Variants in VEZT observed in about 807,000 individuals in gnomAD.
VEZT encodes the protein vezatin, adherens junctions transmembrane protein.
Under a neutral mutation model 79.9 loss-of-function variants are expected in VEZT, and 39 were observed. The observed-to-expected ratio is 0.49, with a 90% CI of 0.38 to 0.64. VEZT has a LOEUF of 0.64. Ranked by LOEUF, VEZT falls within the 30% of genes least tolerant of loss-of-function variation. The probability of loss-of-function intolerance (pLI) is 0.00; values close to 1 mark genes in which losing one functional copy is unlikely to be tolerated. For synonymous variants in VEZT, 325 were observed against 327.6 expected (o/e 0.99, Z 0.09); for missense variants, 837 against 893.1 (o/e 0.94, Z 0.80).
chr12:95,289,489 T>G (rs2072120334), intron 9 of VEZT, among the ~76,000 whole-genome samples: 1 of 151,668 alleles, frequency 6.6e-6, no homozygotes, highest in Non-Finnish European at 1.5e-5. Flanking sequence ...TATGAGATGT[T>G]GAATCTTAGT....
intron 3 of VEZT, among the ~76,000 whole-genome samples, chr12:95,260,098 CTTTT>C (rs56756447): frequency 0.01 from 708 of 68,512 alleles, 5 homozygotes; most frequent in African/African-American, 0.043. Context: ...TGGTTGATCA[CTTTT>C]TTTTTTTTTT....
intron 5 of VEZT, among the ~76,000 whole-genome samples, chr12:95,268,300 C>A (rs2065917036): frequency 6.6e-6 from 1 of 151,972 alleles, no homozygotes; most frequent in African/African-American, 2.4e-5. Context: ...TCGTAGCTAT[C>A]CTGGCTAACA....
At chr12:95,257,367 T>C (rs2063633260) in intron 3 of VEZT, 128 bp downstream of exon 3, 1 of 710,976 alleles carries the variant, frequency 1.4e-6, no homozygotes, top group Non-Finnish European at 2.3e-6. Context: ...CTGCAGTAAC[T>C]CAGGATCTTT....
At position 95,258,549 on chromosome 12, in the gene VEZT, T is replaced by C. The variant is rs1745064053; in HGVS notation, c.258+1310T>C. ...GATTGCTTGACTTTTTCCCCTTGAT[T>C]GTGACGTATTTAAAATGTTGTTAGC... On this transcript the variant is annotated intron_variant, in intron 3 of 11. Transcript: ENST00000436874. Among the ~76,000 whole-genome samples the C allele has an allele frequency of 3.3e-5, 5 of 152,266 alleles. No individual in the cohort carries two copies. The South Asian group carries it at 1.0e-3, about 32-fold the overall frequency.
chr12:95,222,147 C>T (rs908096360), intron 1 of VEZT, among the ~76,000 whole-genome samples: 4 of 152,274 alleles, frequency 2.6e-5, no homozygotes, highest in African/African-American at 4.8e-5. Flanking sequence ...CTCTTTTAAT[C>T]GTGTCTTTCA....
intron 1 of VEZT, among the ~76,000 whole-genome samples, chr12:95,223,293 C>T (rs952919730): frequency 6.6e-6 from 1 of 152,008 alleles, no homozygotes; most frequent in Non-Finnish European, 1.5e-5. Context: ...TAAATTTTTC[C>T]AACAAATTGC....
intron 1 of VEZT, among the ~76,000 whole-genome samples, chr12:95,222,910 A>G (rs527586605): frequency 1.6e-4 from 24 of 152,298 alleles, no homozygotes; most frequent in Non-Finnish European, 3.1e-4. Context: ...GAGTATAGCT[A>G]AATTGGCCTT....
chr12:95,221,699 A>T (rs942160291), intron 1 of VEZT, among the ~76,000 whole-genome samples: 1 of 152,030 alleles, frequency 6.6e-6, no homozygotes, highest in Non-Finnish European at 1.5e-5. Flanking sequence ...AAAGAAAAAA[A>T]TTAACCAGGT....
At position 95,235,859 on chromosome 12, in the gene VEZT, C is replaced by CG. The variant is rs1475066760; in HGVS notation, c.37-16077dup. Among the ~76,000 whole-genome samples the CG allele has an allele frequency of 4.7e-5, 7 of 150,118 alleles. No homozygotes were observed. The East Asian group carries it at 1.2e-3, about 26-fold the overall frequency. The stretch of plus-strand genomic sequence containing the variant: ...GCAGAGACGCTCCTCACATCCCAGA[C>CG]GGGGTGGCAGGGCAGAGGCGCTCCC... On this transcript the variant is annotated intron_variant, in intron 1 of 11. Coordinates refer to ENST00000436874, the MANE Select transcript of VEZT (RefSeq NM_017599.4).
rs775581441 is a variant in VEZT, at chr12:95,262,989, A to G, written c.342A>G (p.Leu114=). 10 of 1,613,572 alleles carry G rather than the reference A, an allele frequency of 6.2e-6. No homozygotes were observed. The highest frequency in any genetic ancestry group is 2.2e-5 in the East Asian group (1 of 44,892). Residue 114 remains leucine (L), a synonymous_variant, in exon 4 of 12, where the codon CTA becomes CTG. Transcript: ENST00000436874. ...LLQEDVELIE[L]LDPSILSAGQ... is the part of the protein sequence containing the mutation. The stretch of plus-strand genomic sequence containing the variant: ...AAGAGGATGTGGAGCTGATTGAGCT[A>G]CTTGATCCCAGTATCCTGTCTGCAG...
intron 9 of VEZT, among the ~76,000 whole-genome samples, chr12:95,289,723 G>A (rs1263116386): frequency 6.6e-6 from 1 of 152,114 alleles, no homozygotes; most frequent in Non-Finnish European, 1.5e-5. Flanking sequence ...ATGTTCATTT[G>A]AATATTTTAA....
At chr12:95,263,199 A>G in intron 4 of VEZT, 118 bp downstream of exon 4, 1 of 966,674 alleles carries the variant, frequency 1.0e-6, no homozygotes, top group Non-Finnish European at 1.4e-6. Context: ...TAGCAGTACA[A>G]TTAAAGTAAC....
chr12:95,252,103 A>G, intron 2 of VEZT, 32 bp downstream of exon 2: 1 of 1,593,418 alleles, frequency 6.3e-7, no homozygotes, highest in Non-Finnish European at 8.5e-7. Context: ...TTCTGGCCGA[A>G]TCTTTTGCAC....
chr12:95,257,066 T>C, intron 2 of VEZT, 84 bp from the exon 3 acceptor site: 2 of 1,060,830 alleles, frequency 1.9e-6, no homozygotes, highest in Non-Finnish European at 2.7e-6. Context: ...AAATTCTCAT[T>C]GATTGGAGGT....
chr12:95,290,918 A>C (rs1351282010), intron 9 of VEZT: 2 of 152,100 alleles, frequency 1.3e-5, no homozygotes, highest in African/African-American at 4.8e-5. Context: ...CTTTGGCATT[A>C]CTCGAGGATT....
chr12:95,276,224 AT>A (rs1212171899), intron 7 of VEZT, among the ~76,000 whole-genome samples: 2 of 132,806 alleles, frequency 1.5e-5, no homozygotes, highest in Admixed American at 7.4e-5. Flanking sequence ...TTGGAAACAA[AT>A]TTTTTTTGTT....
At chr12:95,286,342 T>G in intron 8 of VEZT, 1 of 452,926 alleles carries the variant, frequency 2.2e-6, no homozygotes, top group South Asian at 1.8e-5. Flanking sequence ...AGTTAGTCTT[T>G]CTTCATAAAA....
At chr12:95,286,699 A>G (rs1232514992) in intron 8 of VEZT, 16 of 385,758 alleles carry the variant, frequency 4.1e-5, no homozygotes, top group Non-Finnish European at 4.7e-5. Context: ...CCTTCAGGAA[A>G]TATTCCACTT....
rs147079474 is a variant in VEZT at position 95,250,947 on chromosome 12, T to C, written c.37-993T>C. 2.4e-4 allele frequency among the ~76,000 whole-genome samples: 36 copies of C among 152,272 alleles called. No individual in the cohort carries two copies. The East Asian group carries it at 6.4e-3, about 27-fold the overall frequency. On this transcript the variant is annotated intron_variant, in intron 1 of 11. Transcript: ENST00000436874. ...ATGAGACAGCTGATGCACAAAAGGA[T>C]TATAAATTTCCTGGTTACTTAGCTA...
Sources: gnomAD v4.1 joint callset for allele counts (sites outside exome capture counted in the v4.1 genomes callset) on GRCh38, gnomAD v4.1.1 for gene constraint, MANE v1.5 for transcripts, NCBI Gene and HGNC (gene_info 2026-07-23, HGNC 2026-07-21) for gene names.